IQCK: variants seen among roughly 807,000 people sequenced by gnomAD.
IQCK encodes the protein IQ motif containing K.
In IQCK, 29 loss-of-function variants were observed where a neutral mutation model predicts 28.1. The observed-to-expected ratio is 1.03, with a 90% CI of 0.77 to 1.41. The LOEUF (loss-of-function observed/expected upper bound fraction) is 1.41. Among genes scored for constraint, IQCK ranks in the 40% most tolerant of loss-of-function variants. The pLI is 0.00. For synonymous variants in IQCK, 113 were observed against 115.1 expected, an observed-to-expected ratio of 0.98 and a Z score of 0.12; for missense variants, 359 against 314.7, an observed-to-expected ratio of 1.14 and a Z score of -1.07.
At chr16:19,741,933 G>A (rs1164248675) in intron 4 of IQCK, among the ~76,000 whole-genome samples, 1 of 152,184 alleles carries the variant, frequency 6.6e-6, no homozygotes, top group African/African-American at 2.4e-5. Context: ...CTTGCAGTGA[G>A]CCAAGATCTC....
intron 1 of IQCK, among the ~76,000 whole-genome samples, chr16:19,721,803 C>T (rs949858188): frequency 2.0e-5 from 3 of 152,242 alleles, no homozygotes; most frequent in South Asian, 4.1e-4. Context: ...GTCTCAAACA[C>T]CTGACCTCAA....
Position 19,845,872 on chromosome 16 carries a change from C to T in IQCK, c.803-10615C>T, listed in dbSNP as rs112419135. On this transcript the variant is annotated intron_variant, in intron 9 of 9. Transcript: ENST00000320394. ...GGCGGATCACTTGAGCTCAGGAGTT[C>T]GAGACCAGCCTAAGCAACATGGTGA... Among the ~76,000 whole-genome samples, 628 of 152,060 alleles carry T rather than the reference C, an allele frequency of 4.1e-3. 8 individuals are homozygous for T. The highest frequency in any genetic ancestry group is 0.014 in the African/African-American group (600 of 41,484).
chr16:19,736,290 G>A (rs557800757), intron 4 of IQCK: 1 of 400,618 alleles, frequency 2.5e-6, no homozygotes, highest in Non-Finnish European at 5.0e-6. Context: ...TTGAGACAGG[G>A]TCTTGCTCTG....
chr16:19,825,237 T>C lies in IQCK; in HGVS notation c.691-1789T>C, dbSNP rs1425803521. Among the ~76,000 whole-genome samples, 3 of 152,172 alleles carry C rather than the reference T, an allele frequency of 2.0e-5. No homozygotes were observed. Among genetic ancestry groups the C allele is most frequent in the Admixed American group, 1.3e-4 (2 of 15,262 alleles). ...GGCTTAGTGATTCAAATTTGTAAAA[T>C]AGGCCGGGAGCAGTGGCTTATACCT... On this transcript the variant is annotated intron_variant, in intron 7 of 7. Transcript: ENST00000564186. This position sits in a 1 kb window ranked among gnomAD's most constrained non-coding sequence, Gnocchi z 4.2.
intron 7 of IQCK, among the ~76,000 whole-genome samples, chr16:19,817,041 A>G (rs888105727): frequency 7.2e-5 from 11 of 152,144 alleles, no homozygotes; most frequent in Non-Finnish European, 1.2e-4. Context: ...TTTAAAACCA[A>G]TATGGTACCC....
intron 9 of IQCK, among the ~76,000 whole-genome samples, chr16:19,843,708 C>G (rs1221387950): frequency 6.6e-6 from 1 of 152,212 alleles, no homozygotes; most frequent in Non-Finnish European, 1.5e-5. Context: ...GGGCTCTCTT[C>G]CCGGCTTGCA....
At chr16:19,842,674 A>G (rs1223314824) in intron 9 of IQCK, among the ~76,000 whole-genome samples, 1 of 152,236 alleles carries the variant, frequency 6.6e-6, no homozygotes, top group Non-Finnish European at 1.5e-5. Flanking sequence ...CTTGTTGGCC[A>G]GGATGCTCAG....
intron 9 of IQCK, among the ~76,000 whole-genome samples, chr16:19,836,593 A>T (rs1334854425): frequency 6.6e-6 from 1 of 152,168 alleles, no homozygotes; most frequent in Non-Finnish European, 1.5e-5. Flanking sequence ...GGCTCACTGC[A>T]ACCTCCGCCT....
chr16:19,807,914 T>TA (rs1302704105), intron 7 of IQCK, among the ~76,000 whole-genome samples: 2 of 152,232 alleles, frequency 1.3e-5, no homozygotes, highest in African/African-American at 4.8e-5. Context: ...CCTAAGAATA[T>TA]ATTCCTGATC....
chr16:19,827,046 T>G (rs763219851), exon 8 of IQCK: 1 of 1,613,992 alleles, frequency 6.2e-7, no homozygotes. Context: ...ATCCTGAGAT[T>G]CAAGAACTGC....
chr16:19,791,804 CAG>C (rs1164648174), intron 7 of IQCK, among the ~76,000 whole-genome samples: 1 of 85,072 alleles, frequency 1.2e-5, no homozygotes, highest in Non-Finnish European at 2.0e-5. Context: ...AGGGGGGTAT[CAG>C]TGTATACTGT....
intron 7 of IQCK, among the ~76,000 whole-genome samples, chr16:19,816,175 CA>C (rs2055986840): frequency 6.6e-6 from 1 of 152,162 alleles, no homozygotes; most frequent in South Asian, 2.1e-4. Context: ...TGCCAAGAAT[CA>C]GAGAAAACAA....
chr16:19,828,357 C>T (rs577528544), downstream of IQCK, among the ~76,000 whole-genome samples: 2 of 151,072 alleles, frequency 1.3e-5, no homozygotes, highest in South Asian at 4.2e-4. Context: ...CCTCAGCCTC[C>T]CGAGTAGCTG....
intron 4 of IQCK, among the ~76,000 whole-genome samples, chr16:19,736,984 C>CA (rs55687544): frequency 0.19 from 12,463 of 66,978 alleles, 1,852 homozygotes; most frequent in African/African-American, 0.44. Flanking sequence ...CCGGTATTTA[C>CA]AAAAAAAAAA....
At chr16:19,730,590 A>G in intron 2 of IQCK, 96 bp downstream of exon 2, 2 of 935,948 alleles carry the variant, frequency 2.1e-6, no homozygotes. Context: ...TGAGTTCAGG[A>G]GGTGGGAAAG....
chr16:19,830,757 C>T (rs2056221786), downstream of IQCK, among the ~76,000 whole-genome samples: 2 of 152,308 alleles, frequency 1.3e-5, no homozygotes, highest in Admixed American at 1.3e-4. Flanking sequence ...TACTGAACTT[C>T]ATGAAGCTTT....
At chr16:19,751,527 G>A (rs568624986) in intron 4 of IQCK, among the ~76,000 whole-genome samples, 27 of 152,128 alleles carry the variant, frequency 1.8e-4, no homozygotes, top group African/African-American at 6.3e-4. Context: ...GTTTGAAGGA[G>A]GGAGGCAAAT....
intron 7 of IQCK, among the ~76,000 whole-genome samples, chr16:19,826,392 G>C (rs1870119476): frequency 6.6e-6 from 1 of 150,746 alleles, no homozygotes. Context: ...TTGTTTGTTT[G>C]TTTGAGATGG....
intron 7 of IQCK, among the ~76,000 whole-genome samples, chr16:19,815,426 TGACTGCTTGAGCCCAG>T (rs1597583610): frequency 6.6e-6 from 1 of 152,258 alleles, no homozygotes; most frequent in Non-Finnish European, 1.5e-5. Flanking sequence ...GGAAGTGAGA[TGACTGCTTGAGCCCAG>T]GAGTTCAAGA....
Sources: allele counts gnomAD v4.1 joint callset (sites outside exome capture counted in the v4.1 genomes callset), GRCh38; gene constraint gnomAD v4.1.1; non-coding constraint Gnocchi (gnomAD v3.1); transcripts MANE v1.5; gene names NCBI Gene and HGNC (gene_info 2026-07-23, HGNC 2026-07-21).